LUZP2: variants seen among roughly 807,000 people sequenced by gnomAD.
LUZP2 encodes the protein leucine zipper protein 2.
In LUZP2, 52 loss-of-function variants were observed where a neutral mutation model predicts 51.6. The ratio of observed to expected loss-of-function variants is 1.01; its 90% confidence interval spans 0.81 to 1.27. The LOEUF is 1.27. Ranked by LOEUF, LUZP2 falls within the 50% of genes most tolerant of loss-of-function variation. LUZP2 has a pLI of 0.00. For synonymous variants in LUZP2, 154 were observed against 137.3 expected, an observed-to-expected ratio of 1.12 and a Z score of -0.85; for missense variants, 436 against 395.4, an observed-to-expected ratio of 1.10 and a Z score of -0.87.
intron 5 of LUZP2, among the ~76,000 whole-genome samples, chr11:24,798,817 C>T (rs1435416193): frequency 2.3e-4 from 1 of 4,314 alleles, no homozygotes; most frequent in Non-Finnish European, 5.5e-3. Context: ...TTGGAGTGGA[C>T]TCAAGGTTAT....
intron 1 of LUZP2, among the ~76,000 whole-genome samples, chr11:24,566,931 A>T: frequency 4.5e-4 from 1 of 2,224 alleles, no homozygotes; most frequent in Non-Finnish European, 9.0e-4. Context: ...ATATATGTAT[A>T]TATATATACA....
intron 1 of LUZP2, among the ~76,000 whole-genome samples, chr11:24,707,445 A>G (rs1026144705): frequency 6.6e-6 from 1 of 152,126 alleles, no homozygotes; most frequent in Non-Finnish European, 1.5e-5. Flanking sequence ...TAGATGGACA[A>G]CTAAAAAAAA....
intron 5 of LUZP2, among the ~76,000 whole-genome samples, chr11:24,808,046 G>C (rs1368320484): frequency 6.6e-6 from 1 of 152,128 alleles, no homozygotes; most frequent in Non-Finnish European, 1.5e-5. Flanking sequence ...TTGTGAAACA[G>C]TGATCACAAT....
chr11:24,913,564 T>C (rs1853703341), intron 6 of LUZP2, among the ~76,000 whole-genome samples: 1 of 152,160 alleles, frequency 6.6e-6, no homozygotes, highest in Admixed American at 6.6e-5. Flanking sequence ...TTTAATTTTA[T>C]CAGAAACTGT....
chr11:24,760,159 A>G lies in LUZP2; in HGVS notation c.334-3087A>G, dbSNP rs1590467648. On this transcript the variant is annotated intron_variant, in intron 4 of 11. Transcript: ENST00000336930. Reference sequence around the variant, plus strand: ...GGCAATTGGTTATCTAAGAGTTAGAATCAATAGTAGGGAGTGTCTGGGTTA... The same window carrying G: ...GGCAATTGGTTATCTAAGAGTTAGAGTCAATAGTAGGGAGTGTCTGGGTTA... 2.0e-5 allele frequency among the ~76,000 whole-genome samples: 3 copies of G among 152,252 alleles called. No individual in the cohort carries two copies. In the East Asian group the frequency reaches 5.8e-4, roughly 29 times the overall value.
intron 9 of LUZP2, among the ~76,000 whole-genome samples, chr11:25,024,063 C>G (rs2133978911): frequency 6.6e-6 from 1 of 152,214 alleles, no homozygotes; most frequent in Non-Finnish European, 1.5e-5. Context: ...ACTATGTGGT[C>G]AGTTTTGGAG....
intron 7 of LUZP2, among the ~76,000 whole-genome samples, chr11:24,961,467 C>G (rs1855402978): frequency 6.6e-6 from 1 of 152,136 alleles, no homozygotes; most frequent in African/African-American, 2.4e-5. Context: ...ATAGTTAGCT[C>G]TTCTTGTTGA....
At chr11:24,536,256 C>G (rs1269621809) in intron 1 of LUZP2, among the ~76,000 whole-genome samples, 1 of 151,792 alleles carries the variant, frequency 6.6e-6, no homozygotes, top group Non-Finnish European at 1.5e-5. Flanking sequence ...AAGTCACTAG[C>G]TGCTTTAGTG....
intron 1 of LUZP2, among the ~76,000 whole-genome samples, chr11:24,559,730 T>TA (rs560647341): frequency 6.6e-6 from 1 of 152,168 alleles, no homozygotes; most frequent in Admixed American, 6.6e-5. Context: ...GCAGAATAAA[T>TA]AAAAAATCAG....
intron 1 of LUZP2, among the ~76,000 whole-genome samples, chr11:24,598,130 A>G (rs2133856256): frequency 6.6e-6 from 1 of 151,804 alleles, no homozygotes; most frequent in Admixed American, 6.6e-5. Context: ...AGAGACATTT[A>G]TTAAGCACCT....
At chr11:24,522,045 G>A (rs1000324584) in intron 1 of LUZP2, among the ~76,000 whole-genome samples, 11 of 152,088 alleles carry the variant, frequency 7.2e-5, no homozygotes, top group African/African-American at 2.7e-4. Context: ...AACTGACCAC[G>A]AGATTCTCTA....
chr11:24,772,033 T>C (rs11028156), intron 5 of LUZP2, among the ~76,000 whole-genome samples: 12,193 of 152,170 alleles, frequency 0.08, 1,056 homozygotes, highest in African/African-American at 0.22. Context: ...ATTAGCAATA[T>C]TCCTTCATAG....
intron 7 of LUZP2, among the ~76,000 whole-genome samples, chr11:24,937,665 G>C (rs1430171874): frequency 6.6e-6 from 1 of 152,120 alleles, no homozygotes; most frequent in Non-Finnish European, 1.5e-5. Context: ...ACTTTGGGAG[G>C]CCGAGGTGGG....
At chr11:24,505,237 T>G (rs1344288091) in intron 1 of LUZP2, among the ~76,000 whole-genome samples, 1 of 152,138 alleles carries the variant, frequency 6.6e-6, no homozygotes, top group African/African-American at 2.4e-5. Context: ...AAACATACTG[T>G]TACCATCTAG....
intron 5 of LUZP2, among the ~76,000 whole-genome samples, chr11:24,825,438 A>G (rs1475192828): frequency 6.6e-6 from 1 of 151,764 alleles, no homozygotes; most frequent in Non-Finnish European, 1.5e-5. Flanking sequence ...TGCTTTCCCC[A>G]CTTGGTCTCT....
intron 9 of LUZP2, among the ~76,000 whole-genome samples, chr11:25,014,747 T>G (rs1352358241): frequency 6.6e-6 from 1 of 152,186 alleles, no homozygotes; most frequent in Admixed American, 6.5e-5. Flanking sequence ...AGAAGCTCTT[T>G]AGTTTAATTA....
At chr11:24,591,168 A>G (rs1406993149) in intron 1 of LUZP2, among the ~76,000 whole-genome samples, 3 of 152,188 alleles carry the variant, frequency 2.0e-5, no homozygotes, top group Admixed American at 6.5e-5. Flanking sequence ...TTAGTTCTTC[A>G]TAATTGTCCG....
At chr11:24,505,418 A>T (rs1233187812) in intron 1 of LUZP2, among the ~76,000 whole-genome samples, 1 of 152,158 alleles carries the variant, frequency 6.6e-6, no homozygotes, top group Non-Finnish European at 1.5e-5. Flanking sequence ...ATGTCAATGA[A>T]CATCTCTTAG....
At chr11:25,006,638 T>C (rs567566617) in intron 9 of LUZP2, among the ~76,000 whole-genome samples, 5 of 152,212 alleles carry the variant, frequency 3.3e-5, no homozygotes, top group African/African-American at 7.2e-5. Context: ...TAAGGAAACA[T>C]AGGACAGAAT....
Sources: gnomAD v4.1 joint callset for allele counts (sites outside exome capture counted in the v4.1 genomes callset) on GRCh38, gnomAD v4.1.1 for gene constraint, MANE v1.5 for transcripts, NCBI Gene and HGNC (gene_info 2026-07-23, HGNC 2026-07-21) for gene names.